PCDHGA6: variants seen among roughly 807,000 people sequenced by gnomAD.
PCDHGA6 encodes the protein protocadherin gamma subfamily A, 6.
A neutral mutation model predicts 60.6 loss-of-function variants in PCDHGA6; 41 were observed. The observed-to-expected ratio is 0.68, with a 90% CI of 0.53 to 0.88. The LOEUF is 0.88. Ranked by LOEUF, PCDHGA6 falls within the 40% of genes least tolerant of loss-of-function variation. PCDHGA6 has a pLI of 0.00. For missense variants in PCDHGA6, 1,312 were observed against 1,203.0 expected (o/e 1.09, Z -1.34); for synonymous variants, 594 against 524.4 (o/e 1.13, Z -1.81).
chr5:141,431,624 G>C lies in PCDHGA6; in HGVS notation c.2424+55117G>C. The C allele has an allele frequency of 2.5e-6, 4 of 1,614,234 alleles. No individual in the cohort carries two copies. Among genetic ancestry groups the C allele is most frequent in the Non-Finnish European group, 3.4e-6 (4 of 1,180,038 alleles). On this transcript the variant is annotated intron_variant, in intron 1 of 3. Transcript: ENST00000517434. This position sits in a 1 kb window ranked among gnomAD's most constrained non-coding sequence, Gnocchi z 4.8. ...CTTCCGGTATGTGGACGACAAGGCG[G>C]CCCAAGTTTTCAAACTAGATTGTAA...
intron 1 of PCDHGA6, chr5:141,379,157 G>A (rs962500873): frequency 1.3e-5 from 2 of 152,168 alleles, no homozygotes; most frequent in Non-Finnish European, 2.9e-5. Flanking sequence ...ACCTGACTTT[G>A]TCAGTCTTCT....
intron 1 of PCDHGA6, chr5:141,418,106 G>T (rs2096223296): frequency 6.2e-7 from 1 of 1,613,954 alleles, no homozygotes. Flanking sequence ...GCAGAGCGGG[G>T]ACTTACTTGT....
intron 1 of PCDHGA6, among the ~76,000 whole-genome samples, chr5:141,455,570 A>T (rs181469693): frequency 2.6e-5 from 4 of 152,222 alleles, no homozygotes; most frequent in Non-Finnish European, 5.9e-5. Context: ...TGGCCCTCCC[A>T]CCCCAGCCTT....
chr5:141,484,988 G>A (rs1187402042), intron 1 of PCDHGA6: 2 of 604,830 alleles, frequency 3.3e-6, no homozygotes, highest in Admixed American at 3.0e-5. Context: ...CAATCGGGTG[G>A]TGAAAGGCAG....
intron 1 of PCDHGA6, among the ~76,000 whole-genome samples, chr5:141,407,220 A>G (rs569421185): frequency 6.6e-6 from 1 of 152,342 alleles, no homozygotes; most frequent in East Asian, 1.9e-4. Context: ...TTAAGTGGGT[A>G]GCAAAAAAAA....
chr5:141,376,293 G>C lies in PCDHGA6; in HGVS notation c.2210G>C (p.Gly737Ala), dbSNP rs189836587. 8,405 of 1,614,188 alleles carry C rather than the reference G, an allele frequency of 5.2e-3. 27 individuals carry two copies. Among genetic ancestry groups the C allele is most frequent in the Non-Finnish European group, 6.0e-3 (7,034 of 1,180,042 alleles). The change falls in exon 1 of 4, where the codon GGC becomes GCC. Residue 737 changes from glycine to alanine, a missense_variant. Physicochemically the swap from Gly to Ala is moderately conservative, Grantham distance 60. Transcript: ENST00000517434. ...GGAGGTGGCTTAGCGAGCATGCCCG[G>C]CTCGCACTTTGTGGGCGTGGAAGGG... The part of the protein sequence containing the change: ...ASGGGLASMP[G>A]SHFVGVEGVR...
At chr5:141,430,484 C>T (rs894612928) in intron 1 of PCDHGA6, 2 of 256,238 alleles carry the variant, frequency 7.8e-6, no homozygotes, top group African/African-American at 4.4e-5. Context: ...GATATAAAAA[C>T]GAAATATCCT....
In PCDHGA6 at chr5:141,384,530, G is replaced by T. The variant is rs772652132; in HGVS notation, c.2424+8023G>T. The T allele has an allele frequency of 1.7e-5, 28 of 1,614,238 alleles. No individual in the cohort carries two copies. In the South Asian group the frequency reaches 2.6e-4, roughly 15 times the overall value. On this transcript the variant is annotated intron_variant, in intron 1 of 3. Coordinates refer to ENST00000517434, the MANE Select transcript of PCDHGA6 (RefSeq NM_018919.3). ...GACAGCGGGGACCCGCCTCTCAGCA[G>T]CAACATGTCACTGAGCCTGTTCGTG...
intron 1 of PCDHGA6, among the ~76,000 whole-genome samples, chr5:141,457,674 A>G (rs577008886): frequency 2.9e-4 from 44 of 152,256 alleles, no homozygotes; most frequent in South Asian, 2.1e-4. Flanking sequence ...GGTTATTTCT[A>G]CATAGGACTT....
chr5:141,476,672 A>T lies in PCDHGA6; in HGVS notation c.2425-18135A>T. 6.2e-7 allele frequency: 1 copy of T among 1,614,206 alleles called. No individual in the cohort carries two copies. Among genetic ancestry groups the T allele is most frequent in the African/African-American group, 1.3e-5 (1 of 75,058 alleles). ...TGAATACTTTGCGCTTCGCGTGCAG[A>T]CGCGGGAGGACAGCACCAAGTACGC... On this transcript the variant is annotated intron_variant, in intron 1 of 3. Transcript: ENST00000517434. The surrounding 1 kb of genome is among the most constrained non-coding windows in gnomAD (Gnocchi z 7.6).
intron 1 of PCDHGA6, among the ~76,000 whole-genome samples, chr5:141,483,015 G>A (rs916071219): frequency 2.0e-5 from 3 of 152,044 alleles, no homozygotes; most frequent in African/African-American, 7.2e-5. Context: ...AACCCGGGAG[G>A]CAGAGGTTGC....
In PCDHGA6 at chr5:141,374,731, T is replaced by C. The variant is rs922018990; in HGVS notation, c.648T>C (p.Asp216=). 7 of 1,610,566 alleles carry C rather than the reference T, an allele frequency of 4.3e-6. No homozygotes were observed. The highest frequency in any genetic ancestry group is 4.2e-6 in the Non-Finnish European group (5 of 1,178,296). Residue 216 remains aspartate (D), a synonymous_variant, in exon 1 of 4, where the codon GAT becomes GAC. Coordinates refer to ENST00000517434, the MANE Select transcript of PCDHGA6 (RefSeq NM_018919.3). The part of the protein sequence containing the change: ...AVYRLVLTAM[D]GGDPVRSSVA... ...ACCGCCTGGTCCTTACTGCCATGGA[T>C]GGCGGCGACCCTGTCCGCTCAAGCG...
rs2099697431 is a variant in PCDHGA6 at position 141,490,222 on chromosome 5, C to T, written c.2425-4585C>T. The T allele has an allele frequency of 6.2e-7, 1 of 1,614,094 alleles. No homozygotes were observed. Among genetic ancestry groups the T allele is most frequent in the African/African-American group, 1.3e-5 (1 of 74,934 alleles). On this transcript the variant is annotated intron_variant, in intron 1 of 3. Coordinates refer to ENST00000517434, the MANE Select transcript of PCDHGA6 (RefSeq NM_018919.3). This position sits in a 1 kb window ranked among gnomAD's most constrained non-coding sequence, Gnocchi z 5.4. The stretch of plus-strand genomic sequence containing the variant: ...TGCAAGAGCCCGTGACCAGGGACAG[C>T]CTGCCATGGAGGGCCACTGTGTGAT...
In PCDHGA6 at chr5:141,486,913, G is replaced by A. The variant is rs2099636995; in HGVS notation, c.2425-7894G>A. ...CTGGTTCCTTATGTCCCCAAGCACT[G>A]CCTCCATCAGTTGGTGCTGGCCACC... On this transcript the variant is annotated intron_variant, in intron 1 of 3. Transcript: ENST00000517434. The surrounding 1 kb of genome is among the most constrained non-coding windows in gnomAD (Gnocchi z 5.0). The A allele has an allele frequency of 1.9e-6, 3 of 1,614,092 alleles. No individual in the cohort carries two copies. The highest frequency in any genetic ancestry group is 1.3e-5 in the African/African-American group (1 of 74,938).
intron 1 of PCDHGA6, chr5:141,430,634 C>A: frequency 1.1e-6 from 1 of 882,730 alleles, no homozygotes; most frequent in Non-Finnish European, 1.7e-6. Flanking sequence ...TGAACCATCC[C>A]TGGGAGTATG....
chr5:141,422,883 C>A, intron 1 of PCDHGA6: 1 of 1,614,242 alleles, frequency 6.2e-7, no homozygotes, highest in Non-Finnish European at 8.5e-7. Flanking sequence ...TGAGCCTGTT[C>A]GTGCTGGACC....
At position 141,476,813 on chromosome 5, in the gene PCDHGA6, A is replaced by G. The variant is rs749333814; in HGVS notation, c.2425-17994A>G. The G allele has an allele frequency of 6.8e-6, 11 of 1,613,548 alleles. No individual in the cohort carries two copies. Among genetic ancestry groups the G allele is most frequent in the Non-Finnish European group, 9.3e-6 (11 of 1,180,022 alleles). On this transcript the variant is annotated intron_variant, in intron 1 of 3. Transcript: ENST00000517434. The surrounding 1 kb of genome is among the most constrained non-coding windows in gnomAD (Gnocchi z 7.6). ...CTCCGCCAGCCTGCCTATTCACATC[A>G]AGGTGCTGGACGCGAATGACAATGC...
chr5:141,403,632 G>A (rs759489331), intron 1 of PCDHGA6: 2 of 1,613,916 alleles, frequency 1.2e-6, no homozygotes, highest in Admixed American at 1.7e-5. Context: ...AGCACAGTGC[G>A]CATCCATGTG....
chr5:141,417,226 T>A (rs966071761), intron 1 of PCDHGA6: 4 of 152,134 alleles, frequency 2.6e-5, no homozygotes, highest in Admixed American at 1.3e-4. Flanking sequence ...GACAAAAAAA[T>A]TTGTTGCTTA....
Sources: gnomAD v4.1 joint callset for allele counts (sites outside exome capture counted in the v4.1 genomes callset) on GRCh38, gnomAD v4.1.1 for gene constraint, Gnocchi (gnomAD v3.1) non-coding constraint, MANE v1.5 for transcripts, NCBI Gene and HGNC (gene_info 2026-07-23, HGNC 2026-07-21) for gene names.